The following MYH3 variants were observed in gnomAD, a reference collection of about 807,000 sequenced individuals.
MYH3 encodes myosin heavy chain 3.
MYH3 carries 130 observed loss-of-function variants against 238.0 expected under a neutral mutation model. The observed-to-expected ratio is 0.55, with a 90% CI of 0.47 to 0.63. MYH3 has a LOEUF of 0.63. MYH3 is among the 30% of genes least tolerant of loss of function. The pLI is 0.00. For synonymous variants in MYH3, 880 were observed against 924.1 expected (o/e 0.95, Z 0.86); for missense variants, 1,853 against 2,374.9 (o/e 0.78, Z 4.57).
chr17:10,646,129 G>A (rs772922187), intron 10 of MYH3, 97 bp from the exon 11 acceptor site: 37 of 935,704 alleles, frequency 4.0e-5, no homozygotes, highest in African/African-American at 9.8e-5. Context: ...AACTTTTACC[G>A]CTGGATCCTA....
the MYH3 span, chr17:10,673,725 T>G: frequency 6.6e-6 from 1 of 152,222 alleles, no homozygotes; most frequent in South Asian, 2.1e-4. Flanking sequence ...ATGGAAAGAC[T>G]GCACTGAGCC....
chr17:10,638,428 C>A lies in MYH3; in HGVS notation c.3344G>T (p.Arg1115Leu), dbSNP rs748991696. The A allele has an allele frequency of 1.3e-6, 2 of 1,599,746 alleles. No individual in the cohort carries two copies. The highest frequency in any genetic ancestry group is 1.7e-6 in the Non-Finnish European group (2 of 1,179,922). ...FQKKIKELQA[R>L]IEELEEEIEA... ...TATCTCCTCTTCCAGCTCCTCAATT[C>A]GAGCCTGTGGAGGGCAGCCGTTCAC... The change falls in exon 27 of 41, where the codon CGA becomes CTA. Residue 1115 changes from arginine to leucine, a missense_variant. Around this residue, in one of 3 missense-constraint regions of MYH3, gnomAD observed 1,044 missense variants for 1,192.6 expected, o/e 0.88. Transcript: ENST00000583535.
intron 5 of MYH3, among the ~76,000 whole-genome samples, chr17:10,651,250 T>C (rs868794171): frequency 6.6e-5 from 10 of 151,340 alleles, no homozygotes; most frequent in Middle Eastern, 3.4e-3. Flanking sequence ...CTGAACTATA[T>C]AAAATGATCA....
chr17:10,632,020 G>A lies in MYH3; in HGVS notation c.4957-4C>T, dbSNP rs1433113235. On this transcript the variant is annotated splice_region_variant and splice_polypyrimidine_tract_variant and intron_variant, in intron 34 of 40. Transcript: ENST00000583535. ...CATCCAGGTGGAGCTGCGTATCCTA[G>A]CCAGAGAAAAACGAACATTCTATTT... 1 of 1,612,954 alleles carries A rather than the reference G, an allele frequency of 6.2e-7. No homozygotes were observed. Among genetic ancestry groups the A allele is most frequent in the African/African-American group, 1.3e-5 (1 of 74,896 alleles).
chr17:10,639,208 C>G lies in MYH3; in HGVS notation c.3103-19G>C, dbSNP rs1270393999. 7 of 1,614,226 alleles carry G rather than the reference C, an allele frequency of 4.3e-6. No homozygotes were observed. The highest frequency in any genetic ancestry group is 5.9e-6 in the Non-Finnish European group (7 of 1,180,042). ...TTTCCAGCTGAAAAAGGCACCATTT[C>G]CTTTTGGGAACAAATGCTTTGCAAG... On this transcript the variant is annotated intron_variant, in intron 24 of 40. Transcript: ENST00000583535.
At chr17:10,635,107 T>C in intron 30 of MYH3, 84 bp from the exon 31 acceptor site, 1 of 1,437,754 alleles carries the variant, frequency 7.0e-7, no homozygotes, top group South Asian at 1.2e-5. Context: ...GAATCACTAA[T>C]CTATGTGATT....
rs757688928 is a variant in MYH3 at position 10,655,012 on chromosome 17, C to G, written c.53G>C (p.Arg18Pro). 6.2e-7 allele frequency: 1 copy of G among 1,614,166 alleles called. No individual in the cohort carries two copies. The change falls in exon 3 of 41, where the codon CGG becomes CCG. Residue 18 changes from arginine to proline, a missense_variant. Physicochemically the swap from Arg to Pro is moderately radical, Grantham distance 103. Transcript: ENST00000583535. The stretch of plus-strand genomic sequence containing the variant: ...CTCGATCCTCTCCTTTTCTGACTTC[C>G]GGAGGAAAGGAGCAGCTATGCCGAA... ...EVFGIAAPFLRKSEKERIEAQ... is the reference protein window; with the variant it reads ...EVFGIAAPFLPKSEKERIEAQ...
chr17:10,663,806 T>G, the MYH3 span, among the ~76,000 whole-genome samples: 3 of 152,124 alleles, frequency 2.0e-5, no homozygotes, highest in Non-Finnish European at 4.4e-5. Flanking sequence ...CTCACACCTG[T>G]AATCCCAGCA....
chr17:10,661,998 C>T (rs1286347453), upstream of MYH3, among the ~76,000 whole-genome samples: 1 of 151,826 alleles, frequency 6.6e-6, no homozygotes, highest in Non-Finnish European at 1.5e-5. Context: ...ATATTATGCA[C>T]CTTCCCCAGC....
At chr17:10,673,452 T>TCATACAAA in the MYH3 span, 1 of 152,252 alleles carries the variant, frequency 6.6e-6, no homozygotes, top group South Asian at 2.1e-4. Flanking sequence ...CAGGGAAAAG[T>TCATACAAA]GAGCCATACA....
At chr17:10,656,643 AC>A (rs2074434334) in intron 1 of MYH3, among the ~76,000 whole-genome samples, 1 of 151,874 alleles carries the variant, frequency 6.6e-6, no homozygotes, top group African/African-American at 2.4e-5. Flanking sequence ...GGGAGGAAAA[AC>A]CCTCAGCTGT....
intron 40 of MYH3, among the ~76,000 whole-genome samples, 160 bp downstream of exon 40, chr17:10,629,437 G>T (rs1199725257): frequency 6.6e-6 from 1 of 152,170 alleles, no homozygotes; most frequent in Non-Finnish European, 1.5e-5. Flanking sequence ...TCACAGACCA[G>T]GATTCTAGCG....
At position 10,640,647 on chromosome 17, in the gene MYH3, T is replaced by C; in HGVS notation, c.2205A>G (p.Gln735=). The change falls in exon 20 of 41, where the codon CAA becomes CAG. Residue 735 remains glutamine (Q), a synonymous_variant. Transcript: ENST00000583535. ...CACAGGCTTTCTTGCTGTCAATGAATTGTCCCTCAGGGATTGCACTGGCAT... is the reference window on the plus strand; with the variant it reads ...CACAGGCTTTCTTGCTGTCAATGAACTGTCCCTCAGGGATTGCACTGGCAT... ...VLNASAIPEG[Q]FIDSKKACEK... is the part of the protein sequence containing the mutation. 1.9e-6 allele frequency: 3 copies of C among 1,614,206 alleles called. No individual in the cohort carries two copies. Among genetic ancestry groups the C allele is most frequent in the Middle Eastern group, 1.7e-4 (1 of 6,060 alleles).
the MYH3 span, chr17:10,672,417 A>G: frequency 6.6e-6 from 1 of 151,982 alleles, no homozygotes; most frequent in Admixed American, 6.6e-5. Flanking sequence ...TATTTTTCAC[A>G]TTTATTTTTC....
intron 1 of MYH3, among the ~76,000 whole-genome samples, chr17:10,656,537 C>CAAAA (rs71139057): frequency 8.9e-5 from 5 of 55,890 alleles, no homozygotes; most frequent in African/African-American, 2.5e-4. Flanking sequence ...AATTCTGTCT[C>CAAAA]AAAAAAAAAA....
the MYH3 span, among the ~76,000 whole-genome samples, chr17:10,663,917 G>C: frequency 1.3e-5 from 2 of 151,898 alleles, no homozygotes; most frequent in Non-Finnish European, 2.9e-5. Context: ...ACAAAAATTA[G>C]CTGGATGTGG....
Position 10,640,264 on chromosome 17 carries a change from C to A in MYH3, c.2427-13G>T. The A allele has an allele frequency of 6.2e-7, 1 of 1,614,206 alleles. No individual in the cohort carries two copies. Among genetic ancestry groups the A allele is most frequent in the African/African-American group, 1.3e-5 (1 of 75,054 alleles). On this transcript the variant is annotated splice_polypyrimidine_tract_variant and intron_variant, in intron 21 of 40. Transcript: ENST00000583535. ...GAAGATGGACTCCCTAAAAACAAGA[C>A]ATTGCTTATTTCTGAGAGAGACTCC...
At position 10,635,007 on chromosome 17, in the gene MYH3, G is replaced by A. The variant is rs747837966; in HGVS notation, c.4189C>T (p.Arg1397Cys). ...LEEAKKKLAQ[R>C]LQDSEEQVEA... Reference sequence around the variant, plus strand: ...ACCTGTTCCTCGGAATCTTGAAGGCGCTGAGCAAGTTTTTTCCTTAAAGAA... The same window carrying A: ...ACCTGTTCCTCGGAATCTTGAAGGCACTGAGCAAGTTTTTTCCTTAAAGAA... The change falls in exon 31 of 41, where the codon CGC (arginine) becomes TGC (cysteine). Residue 1397 changes from arginine (R) to cysteine (C), a missense_variant. By Grantham distance (180) the Arg-to-Cys change is radical (BLOSUM62 -3). Around this residue, in one of 3 missense-constraint regions of MYH3, gnomAD observed 1,044 missense variants for 1,192.6 expected, o/e 0.88. Transcript: ENST00000583535. The A allele has an allele frequency of 1.4e-5, 22 of 1,613,928 alleles. No homozygotes were observed. Among genetic ancestry groups the A allele is most frequent in the Admixed American group, 6.7e-5 (4 of 59,988 alleles).
chr17:10,641,051 A>G (rs769924896), intron 19 of MYH3, 34 bp downstream of exon 19: 21 of 1,468,348 alleles, frequency 1.4e-5, no homozygotes, highest in Non-Finnish European at 1.8e-5. Flanking sequence ...CGTACATCTC[A>G]TCCCCAAGCA....
Sources: gnomAD v4.1 joint callset for allele counts (sites outside exome capture counted in the v4.1 genomes callset) on GRCh38, gnomAD v4.1.1 for gene constraint, gnomAD v4.1.1 regional missense constraint, MANE v1.5 for transcripts, NCBI Gene and HGNC (gene_info 2026-07-23, HGNC 2026-07-21) for gene names.